The following FKTN variants were observed in gnomAD, a reference collection of about 807,000 sequenced individuals.
FKTN encodes the protein fukutin.
FKTN carries 47 observed loss-of-function variants against 58.6 expected under a neutral mutation model. That is an observed-to-expected ratio of 0.80 (90% CI 0.63 to 1.02). The LOEUF (loss-of-function observed/expected upper bound fraction) is 1.02, where lower values mean the gene tolerates loss of function less well. Ranked by LOEUF, FKTN falls within the 50% of genes least tolerant of loss-of-function variation. The pLI is 0.00. For synonymous variants in FKTN, 178 were observed against 191.9 expected (o/e 0.93, Z 0.60); for missense variants, 516 against 537.3 (o/e 0.96, Z 0.39).
intron 10 of FKTN, among the ~76,000 whole-genome samples, chr9:105,631,575 AAAAC>A (rs1213172550): frequency 3.2e-4 from 48 of 152,256 alleles, no homozygotes; most frequent in Non-Finnish European, 4.7e-4. Flanking sequence ...TTACAAGAAA[AAAAC>A]AAACAACCCC....
intron 3 of FKTN, among the ~76,000 whole-genome samples, chr9:105,581,432 G>T (rs1309435617): frequency 4.1e-4 from 62 of 149,732 alleles, no homozygotes; most frequent in Non-Finnish European, 7.4e-5. Flanking sequence ...TGCCTTGTGA[G>T]GTGTCAGTGT....
intron 1 of FKTN, among the ~76,000 whole-genome samples, chr9:105,571,657 C>G (rs1280869124): frequency 6.6e-6 from 1 of 152,098 alleles, no homozygotes; most frequent in African/African-American, 2.4e-5. Context: ...GAGTTATGGC[C>G]TACTCTGAGT....
At position 105,639,367 on chromosome 9, in the gene FKTN, T is replaced by G; in HGVS notation, c.*4103T>G. Reference sequence around the variant, plus strand: ...CTTTTGAGTTAGGCCTGAATTTGAATTTCAGCTTAATCATGTGGGATTTAT... The same window carrying G: ...CTTTTGAGTTAGGCCTGAATTTGAAGTTCAGCTTAATCATGTGGGATTTAT... On this transcript the variant is annotated 3_prime_UTR_variant, in exon 11 of 11. Coordinates refer to ENST00000357998, the MANE Select transcript of FKTN (RefSeq NM_001079802.2). 2 of 789,898 alleles carry G rather than the reference T, an allele frequency of 2.5e-6. No homozygotes were observed. The highest frequency in any genetic ancestry group is 3.1e-6 in the Non-Finnish European group (2 of 651,516). The allele number at this position is 789,898 out of a possible 1,614,324, so 48.9% of individuals were successfully genotyped here.
In FKTN at chr9:105,640,195, T is replaced by G; in HGVS notation, c.*4931T>G. 6.5e-7 allele frequency: 1 copy of G among 1,528,356 alleles called. No homozygotes were observed. Among genetic ancestry groups the G allele is most frequent in the Non-Finnish European group, 8.7e-7 (1 of 1,142,876 alleles). The allele number at this position is 1,528,356 out of a possible 1,614,324, so 94.7% of individuals were successfully genotyped here. A position where few individuals can be genotyped will look rare whatever the true frequency, so the allele number is the denominator to read the frequency against. On this transcript the variant is annotated 3_prime_UTR_variant, in exon 11 of 11. Transcript: ENST00000357998. ...TCATAAGTGAAACAGACTAATTCAATGGCAATACCTTTTGTATAGGTCCTG... is the reference window on the plus strand; with the variant it reads ...TCATAAGTGAAACAGACTAATTCAAGGGCAATACCTTTTGTATAGGTCCTG...
At chr9:105,624,502 G>A (rs557969878) in intron 10 of FKTN, 2 of 151,804 alleles carry the variant, frequency 1.3e-5, no homozygotes, top group South Asian at 2.1e-4. Flanking sequence ...ATGGTGGCAT[G>A]TGTCTGTGGT....
chr9:105,632,432 A>G (rs1833592609), intron 10 of FKTN, among the ~76,000 whole-genome samples: 1 of 148,020 alleles, frequency 6.8e-6, no homozygotes, highest in African/African-American at 2.5e-5. Context: ...AAAAAAATAT[A>G]TATATATATA....
At chr9:105,576,145 C>CTT (rs5899668) in intron 3 of FKTN, among the ~76,000 whole-genome samples, 1 of 119,694 alleles carries the variant, frequency 8.4e-6, no homozygotes, top group Non-Finnish European at 1.9e-5. Flanking sequence ...TGAAACTTTT[C>CTT]TTTTTTTTTT....
chr9:105,636,836 A>G lies in FKTN; in HGVS notation c.*1572A>G, dbSNP rs1224645950. On this transcript the variant is annotated 3_prime_UTR_variant, in exon 11 of 11. Coordinates refer to ENST00000357998, the MANE Select transcript of FKTN (RefSeq NM_001079802.2). ...ACTTTTTCGAAAACAAATTAGAGAA[A>G]GTAACTTACAACCACCCATTCCGGA... 1.6e-6 allele frequency: 2 copies of G among 1,216,608 alleles called. No individual in the cohort carries two copies. Among genetic ancestry groups the G allele is most frequent in the Admixed American group, 5.5e-5 (2 of 36,536 alleles). The allele number at this position is 1,216,608 out of a possible 1,614,324, so 75.4% of individuals were successfully genotyped here.
chr9:105,583,680 C>A (rs1843416140), intron 3 of FKTN, among the ~76,000 whole-genome samples: 3 of 152,072 alleles, frequency 2.0e-5, no homozygotes, highest in African/African-American at 7.2e-5. Flanking sequence ...TCATGATGTA[C>A]TCCCTCAATA....
intron 4 of FKTN, chr9:105,598,117 A>AT: frequency 4.3e-6 from 2 of 468,866 alleles, no homozygotes; most frequent in Admixed American, 2.4e-5. Flanking sequence ...AAAATAATGG[A>AT]TTTTTTTCAA....
intron 3 of FKTN, among the ~76,000 whole-genome samples, chr9:105,582,102 T>C (rs1267128033): frequency 6.6e-6 from 1 of 152,140 alleles, no homozygotes; most frequent in African/African-American, 2.4e-5. Context: ...GTACCTCAGA[T>C]GGAAATGCAG....
intron 10 of FKTN, chr9:105,622,970 T>C (rs992198258): frequency 5.9e-5 from 9 of 152,128 alleles, no homozygotes; most frequent in African/African-American, 1.9e-4. Context: ...TTCACTTCTT[T>C]ATAGGAAGCC....
At chr9:105,625,250 A>C (rs1832608116) in intron 10 of FKTN, among the ~76,000 whole-genome samples, 1 of 152,208 alleles carries the variant, frequency 6.6e-6, no homozygotes, top group Non-Finnish European at 1.5e-5. Flanking sequence ...ATTCTTTGGA[A>C]GTTTTCTCTG....
chr9:105,599,790 A>C (rs199830473), intron 4 of FKTN, among the ~76,000 whole-genome samples: 2 of 152,126 alleles, frequency 1.3e-5, no homozygotes, highest in East Asian at 1.9e-4. Context: ...AGGCGTGAGA[A>C]GTTTTGCTGT....
chr9:105,619,280 G>C (rs969826818), intron 9 of FKTN, among the ~76,000 whole-genome samples: 1 of 152,154 alleles, frequency 6.6e-6, no homozygotes, highest in Non-Finnish European at 1.5e-5. Flanking sequence ...TCTTACCCTT[G>C]AGAAGCTCAC....
chr9:105,566,865 T>A (rs1380437060), intron 1 of FKTN, among the ~76,000 whole-genome samples: 5 of 152,114 alleles, frequency 3.3e-5, no homozygotes, highest in African/African-American at 9.7e-5. Context: ...TAGATCAATA[T>A]CCCTGATGAA....
At chr9:105,581,787 G>A (rs1039223356) in intron 3 of FKTN, among the ~76,000 whole-genome samples, 14 of 152,210 alleles carry the variant, frequency 9.2e-5, no homozygotes, top group Non-Finnish European at 2.1e-4. Context: ...CTTGCAGTTT[G>A]ATCTCAGACT....
At chr9:105,615,254 G>T (rs748448219) in intron 7 of FKTN, 24 bp from the exon 8 acceptor site, 3 of 1,612,304 alleles carry the variant, frequency 1.9e-6, no homozygotes, top group African/African-American at 2.7e-5. Context: ...GGCTGTAATA[G>T]CTGACTATTT....
Position 105,604,446 on chromosome 9 carries a change from C to A in FKTN, c.601C>A (p.Pro201Thr). The change falls in exon 6 of 11, where the codon CCC (proline) becomes ACC (threonine). Residue 201 changes from proline (P) to threonine (T), a missense_variant. Pro to Thr is a conservative substitution (Grantham distance 38). Transcript: ENST00000357998. Reference protein sequence around the residue: ...LKEHIDRKFVPFRKLQFGRYP... With the variant: ...LKEHIDRKFVTFRKLQFGRYP... ...AGAACACATTGACAGGAAATTTGTTCCCTTCCGAAAGTTACAGTTTGGTCG... is the reference window on the plus strand; with the variant it reads ...AGAACACATTGACAGGAAATTTGTTACCTTCCGAAAGTTACAGTTTGGTCG... The A allele has an allele frequency of 6.2e-7, 1 of 1,614,116 alleles. No individual in the cohort carries two copies. The highest frequency in any genetic ancestry group is 1.1e-5 in the South Asian group (1 of 91,074).
Sources: gnomAD v4.1 joint callset for allele counts (sites outside exome capture counted in the v4.1 genomes callset) on GRCh38, gnomAD v4.1.1 for gene constraint, MANE v1.5 for transcripts, NCBI Gene and HGNC (gene_info 2026-07-23, HGNC 2026-07-21) for gene names.